DENND6A: variants seen among roughly 807,000 people sequenced by gnomAD.
The protein encoded by DENND6A is DENN domain containing 6A, also known as protein DENND6A.
DENND6A carries 43 observed loss-of-function variants against 95.5 expected under a neutral mutation model. The observed-to-expected ratio is 0.45, with a 90% confidence interval of 0.35 to 0.58. The LOEUF (loss-of-function observed/expected upper bound fraction) is 0.58. Ranked by LOEUF, DENND6A falls within the 20% of genes least tolerant of loss-of-function variation. The probability of loss-of-function intolerance (pLI) is 0.00; values close to 1 mark genes in which losing one functional copy is unlikely to be tolerated. For missense variants in DENND6A, 574 were observed against 736.0 expected (o/e 0.78, Z 2.55); for synonymous variants, 257 against 260.4 (o/e 0.99, Z 0.13).
chr3:57,666,744 T>C (rs1035014548), intron 3 of DENND6A, among the ~76,000 whole-genome samples: 2 of 152,222 alleles, frequency 1.3e-5, no homozygotes, highest in African/African-American at 4.8e-5. Context: ...CTCAATTTCC[T>C]TGTCAACAAA....
intron 9 of DENND6A, among the ~76,000 whole-genome samples, chr3:57,647,769 C>T (rs1254506685): frequency 6.7e-6 from 1 of 150,220 alleles, no homozygotes; most frequent in Non-Finnish European, 1.5e-5. Flanking sequence ...AGAGTCAGAG[C>T]CCAAAAAGGG....
intron 11 of DENND6A, among the ~76,000 whole-genome samples, chr3:57,643,617 C>T (rs1053416690): frequency 4.6e-5 from 7 of 151,830 alleles, no homozygotes; most frequent in African/African-American, 1.7e-4. Context: ...CACTTGAGGT[C>T]AGGAGTTCGA....
intron 12 of DENND6A, among the ~76,000 whole-genome samples, chr3:57,640,451 G>T (rs2070904529): frequency 6.6e-6 from 1 of 151,642 alleles, no homozygotes; most frequent in Non-Finnish European, 1.5e-5. Context: ...AAATTAGCCG[G>T]GCAAGGAGGT....
At position 57,690,810 on chromosome 3, in the gene DENND6A, T is replaced by C. The variant is rs146592508; in HGVS notation, c.237+1972A>G. ...TTTCCCTGGTTCTGAACTCTAGCCA[T>C]TTTCTGAAGCCCTACTAGGTTTATG... On this transcript the variant is annotated intron_variant, in intron 1 of 19. Transcript: ENST00000311128. Among the ~76,000 whole-genome samples, 120 of 152,252 alleles carry C rather than the reference T, an allele frequency of 7.9e-4. 1 individual carries two copies. The highest frequency in any genetic ancestry group is 2.4e-3 in the African/African-American group (100 of 41,524).
intron 9 of DENND6A, among the ~76,000 whole-genome samples, chr3:57,656,825 G>A (rs1467774120): frequency 6.6e-6 from 1 of 152,158 alleles, no homozygotes; most frequent in African/African-American, 2.4e-5. Flanking sequence ...AGACATGGTG[G>A]TGTGCACCTG....
intron 1 of DENND6A, among the ~76,000 whole-genome samples, chr3:57,687,929 CAAA>C (rs55695630): frequency 1.5e-5 from 2 of 135,916 alleles, no homozygotes; most frequent in Admixed American, 7.4e-5. Context: ...AAGACCACCT[CAAA>C]AAAAAAAAAA....
intron 4 of DENND6A, 54 bp from the exon 5 acceptor site, chr3:57,663,770 TATATCTATATCC>T: frequency 2.0e-6 from 2 of 1,006,310 alleles, no homozygotes; most frequent in Non-Finnish European, 2.9e-6. Context: ...TATATGTATC[TATATCTATATCC>T]ATATCTATAT....
intron 9 of DENND6A, among the ~76,000 whole-genome samples, chr3:57,651,946 C>T (rs975372025): frequency 6.6e-6 from 1 of 152,274 alleles, no homozygotes; most frequent in East Asian, 1.9e-4. Flanking sequence ...TGGTGGCTCA[C>T]TCCTGTAACC....
At chr3:57,633,539 GA>G (rs1036057733) in intron 14 of DENND6A, among the ~76,000 whole-genome samples, 185 bp from the exon 15 acceptor site, 20 of 152,114 alleles carry the variant, frequency 1.3e-4, no homozygotes, top group Non-Finnish European at 1.5e-5. Flanking sequence ...ATCTTTACCG[GA>G]GCAAAACATA....
chr3:57,656,026 C>T (rs1438896937), intron 9 of DENND6A, among the ~76,000 whole-genome samples: 3 of 152,150 alleles, frequency 2.0e-5, no homozygotes, highest in Admixed American at 1.3e-4. Flanking sequence ...GGGACACTCC[C>T]TCTTTTCATC....
At chr3:57,689,734 C>A (rs1233606559) in intron 1 of DENND6A, among the ~76,000 whole-genome samples, 1 of 152,174 alleles carries the variant, frequency 6.6e-6, no homozygotes, top group Non-Finnish European at 1.5e-5. Context: ...CTCTTTTTCA[C>A]TGAAGTGGCT....
At chr3:57,651,895 T>C (rs1030863683) in intron 9 of DENND6A, among the ~76,000 whole-genome samples, 1 of 151,998 alleles carries the variant, frequency 6.6e-6, no homozygotes, top group Non-Finnish European at 1.5e-5. Flanking sequence ...AACAGATATA[T>C]AAAAATAGTG....
chr3:57,678,067 T>A (rs1434791553), intron 1 of DENND6A, among the ~76,000 whole-genome samples: 2 of 152,224 alleles, frequency 1.3e-5, no homozygotes, highest in Non-Finnish European at 2.9e-5. Flanking sequence ...CAATACATCT[T>A]ATTTAGCCAT....
chr3:57,641,941 C>T lies in DENND6A; in HGVS notation c.1038-194G>A, dbSNP rs191624599. On this transcript the variant is annotated intron_variant, in intron 11 of 19. Coordinates refer to ENST00000311128, the MANE Select transcript of DENND6A (RefSeq NM_152678.3). Reference sequence around the variant, plus strand: ...CATAAAAAGACGAAAGGACACGGTCCTTCCAGCAGCACACAGGAAGAAAGA... The same window carrying T: ...CATAAAAAGACGAAAGGACACGGTCTTTCCAGCAGCACACAGGAAGAAAGA... 1.6e-3 allele frequency among the ~76,000 whole-genome samples: 240 copies of T among 152,216 alleles called. 3 individuals carry two copies. The highest frequency in any genetic ancestry group is 5.4e-3 in the African/African-American group (223 of 41,522).
intron 4 of DENND6A, among the ~76,000 whole-genome samples, chr3:57,664,349 A>G (rs1458151483): frequency 6.6e-6 from 1 of 152,246 alleles, no homozygotes; most frequent in Non-Finnish European, 1.5e-5. Context: ...AGGTAATTGC[A>G]TTCCAAAAAT....
chr3:57,685,299 GTTTA>G (rs928791360), intron 1 of DENND6A, among the ~76,000 whole-genome samples: 8 of 149,748 alleles, frequency 5.3e-5, no homozygotes, highest in African/African-American at 7.6e-5. Context: ...AAAAAAAATT[GTTTA>G]TTTATTTTAA....
chr3:57,631,841 G>C (rs2070685676), intron 15 of DENND6A, among the ~76,000 whole-genome samples: 1 of 145,042 alleles, frequency 6.9e-6, no homozygotes, highest in African/African-American at 2.5e-5. Context: ...TCCTGCCTCA[G>C]CCTCCCGAGT....
chr3:57,644,067 G>A (rs942379453), intron 11 of DENND6A, among the ~76,000 whole-genome samples: 3 of 150,720 alleles, frequency 2.0e-5, no homozygotes, highest in Non-Finnish European at 4.4e-5. Context: ...GGAGAATCTC[G>A]TGAACCCGGG....
At chr3:57,685,538 T>C (rs1410265838) in intron 1 of DENND6A, among the ~76,000 whole-genome samples, 2 of 152,244 alleles carry the variant, frequency 1.3e-5, no homozygotes, top group Non-Finnish European at 2.9e-5. Context: ...AAAAGCATCA[T>C]GTCAGTACTC....
Sources: allele counts gnomAD v4.1 joint callset (sites outside exome capture counted in the v4.1 genomes callset), GRCh38; gene constraint gnomAD v4.1.1; transcripts MANE v1.5; gene names NCBI Gene and HGNC (gene_info 2026-07-23, HGNC 2026-07-21).